Variants in MAML3 observed in about 807,000 individuals in gnomAD.
MAML3 encodes the protein mastermind-like protein 3.
A neutral mutation model predicts 101.9 loss-of-function variants in MAML3; 27 were observed. The ratio of observed to expected loss-of-function variants is 0.27; its 90% confidence interval spans 0.20 to 0.37. MAML3 has a LOEUF of 0.37. Ranked by LOEUF, MAML3 falls within the 10% of genes least tolerant of loss-of-function variation. The probability of loss-of-function intolerance (pLI) is 1.00; values close to 1 mark genes in which losing one functional copy is unlikely to be tolerated. For synonymous variants in MAML3, 501 were observed against 555.9 expected (o/e 0.90, Z 1.39); for missense variants, 1,316 against 1,444.9 (o/e 0.91, Z 1.45).
chr4:140,021,749 C>A lies in MAML3; in HGVS notation c.469-130782G>T, dbSNP rs142098328. Among the ~76,000 whole-genome samples the A allele has an allele frequency of 6.4e-4, 98 of 152,260 alleles. 1 individual carries two copies. Among genetic ancestry groups the A allele is most frequent in the African/African-American group, 2.4e-3 (98 of 41,548 alleles). On this transcript the variant is annotated intron_variant, in intron 1 of 4. Coordinates refer to ENST00000509479, the MANE Select transcript of MAML3 (RefSeq NM_018717.5). ...TTCCTGAATCCACTCACCAACCTCC[C>A]TTCTTCCTCCGCTTCCTGGTGCCAC... is the stretch of plus-strand genomic sequence containing the variant.
At chr4:139,951,700 C>G (rs1252739123) in intron 1 of MAML3, among the ~76,000 whole-genome samples, 9 of 151,842 alleles carry the variant, frequency 5.9e-5, no homozygotes, top group Non-Finnish European at 1.3e-4. Context: ...CTGAACTCAA[C>G]AAATGTTCTT....
intron 2 of MAML3, among the ~76,000 whole-genome samples, chr4:139,769,861 C>T (rs1306980399): frequency 4.6e-5 from 7 of 151,916 alleles, no homozygotes; most frequent in South Asian, 2.1e-4. Flanking sequence ...GTGATCCACC[C>T]GCCTTGGCCT....
chr4:139,971,842 T>C (rs190515688), intron 1 of MAML3, among the ~76,000 whole-genome samples: 37 of 152,288 alleles, frequency 2.4e-4, no homozygotes, highest in Admixed American at 8.5e-4. Flanking sequence ...GAGCATTCCC[T>C]GGTCCAGACT....
At chr4:139,860,119 C>T (rs1189908625) in intron 2 of MAML3, among the ~76,000 whole-genome samples, 1 of 152,244 alleles carries the variant, frequency 6.6e-6, no homozygotes, top group Non-Finnish European at 1.5e-5. Flanking sequence ...AGGAAAGCAA[C>T]TCGAAAACCC....
rs537903773 is a variant in MAML3, at chr4:140,064,926, G to C, written c.468+87934C>G. 1.0e-3 allele frequency among the ~76,000 whole-genome samples: 153 copies of C among 152,226 alleles called. 1 individual carries two copies. Among genetic ancestry groups the C allele is most frequent in the African/African-American group, 2.9e-3 (122 of 41,532 alleles). ...AAGGCCCTTTTCAAATTGCTGGAAG[G>C]CTCCAAAGATTCCAAACTTTCCATC... On this transcript the variant is annotated intron_variant, in intron 1 of 4. Transcript: ENST00000509479.
At chr4:139,964,571 A>G (rs1734089848) in intron 1 of MAML3, among the ~76,000 whole-genome samples, 1 of 152,192 alleles carries the variant, frequency 6.6e-6, no homozygotes, top group Non-Finnish European at 1.5e-5. Context: ...GAATAAAGAA[A>G]AACAAAAATT....
intron 1 of MAML3, among the ~76,000 whole-genome samples, chr4:140,023,446 C>T (rs866373402): frequency 6.6e-6 from 1 of 152,152 alleles, no homozygotes; most frequent in Non-Finnish European, 1.5e-5. Flanking sequence ...CTTCCATCAC[C>T]CAGGAGCAGC....
chr4:140,052,833 CA>C (rs935030916), intron 1 of MAML3, among the ~76,000 whole-genome samples: 4 of 151,874 alleles, frequency 2.6e-5, no homozygotes, highest in African/African-American at 9.7e-5. Flanking sequence ...CCGTGCCTGG[CA>C]AAAAAACCCA....
chr4:139,971,823 TCA>T (rs1394368641), intron 1 of MAML3, among the ~76,000 whole-genome samples: 1 of 152,096 alleles, frequency 6.6e-6, no homozygotes, highest in Admixed American at 6.6e-5. Flanking sequence ...TTAAAAAAAA[TCA>T]CAGTGTGAGC....
intron 1 of MAML3, among the ~76,000 whole-genome samples, chr4:139,909,263 C>A (rs1732874860): frequency 6.6e-6 from 1 of 152,178 alleles, no homozygotes; most frequent in African/African-American, 2.4e-5. Flanking sequence ...AAACAGTTGG[C>A]CACCATGAGG....
At chr4:140,046,979 G>A (rs1220039496) in intron 1 of MAML3, among the ~76,000 whole-genome samples, 1 of 152,096 alleles carries the variant, frequency 6.6e-6, no homozygotes, top group Non-Finnish European at 1.5e-5. Context: ...ACTCTAAGTA[G>A]AAGGTGGAAA....
intron 2 of MAML3, among the ~76,000 whole-genome samples, chr4:139,828,369 A>T (rs1731099073): frequency 6.6e-6 from 1 of 152,258 alleles, no homozygotes; most frequent in Admixed American, 6.5e-5. Context: ...TAATGGTATT[A>T]CTACACTAAT....
chr4:140,046,373 C>G (rs1233491531), intron 1 of MAML3, among the ~76,000 whole-genome samples: 1 of 152,188 alleles, frequency 6.6e-6, no homozygotes, highest in African/African-American at 2.4e-5. Context: ...TGAGCAAGAA[C>G]TAAATTTTTG....
At chr4:139,768,979 G>C (rs1034464897) in intron 2 of MAML3, among the ~76,000 whole-genome samples, 6 of 152,228 alleles carry the variant, frequency 3.9e-5, no homozygotes, top group African/African-American at 1.4e-4. Flanking sequence ...ATGGGGAAAT[G>C]GCAGCACCAG....
chr4:139,987,564 T>A (rs1426288462), intron 1 of MAML3, among the ~76,000 whole-genome samples: 1 of 152,196 alleles, frequency 6.6e-6, no homozygotes, highest in Non-Finnish European at 1.5e-5. Context: ...AACCTGTTCC[T>A]TCTCTTCTTG....
chr4:139,759,101 G>A (rs116093381), intron 2 of MAML3, among the ~76,000 whole-genome samples: 2,016 of 152,248 alleles, frequency 0.013, 49 homozygotes, highest in African/African-American at 0.045. Flanking sequence ...GAACCTTCTC[G>A]CCCATGTGAT....
intron 2 of MAML3, among the ~76,000 whole-genome samples, chr4:139,790,065 C>T (rs548653903): frequency 9.9e-5 from 15 of 151,734 alleles, no homozygotes; most frequent in South Asian, 4.2e-4. Context: ...TTTTAACTAA[C>T]GACTCTCTCA....
At chr4:140,008,933 T>C (rs1483888545) in intron 1 of MAML3, among the ~76,000 whole-genome samples, 1 of 152,240 alleles carries the variant, frequency 6.6e-6, no homozygotes, top group Non-Finnish European at 1.5e-5. Context: ...CGCAAAATTG[T>C]TCATAAATTA....
At chr4:139,978,895 G>A (rs17373010) in intron 1 of MAML3, among the ~76,000 whole-genome samples, 46,641 of 151,850 alleles carry the variant, frequency 0.31, 8,063 homozygotes, top group East Asian at 0.62. Flanking sequence ...ACTGAAACAA[G>A]TACACATCCT....
Sources: gnomAD v4.1 joint callset for allele counts (sites outside exome capture counted in the v4.1 genomes callset) on GRCh38, gnomAD v4.1.1 for gene constraint, MANE v1.5 for transcripts, NCBI Gene and HGNC (gene_info 2026-07-23, HGNC 2026-07-21) for gene names.